The following GLIS3 variants were observed in gnomAD, a reference collection of about 807,000 sequenced individuals.
The protein encoded by GLIS3 is zinc finger protein GLIS3.
Under a neutral mutation model 78.6 loss-of-function variants are expected in GLIS3, and 53 were observed. That is an observed-to-expected ratio of 0.67 (90% CI 0.54 to 0.85). GLIS3 has a LOEUF of 0.85. GLIS3 is among the 40% of genes least tolerant of loss of function. The pLI is 0.00. For missense variants in GLIS3, 1,703 were observed against 1,231.1 expected, an observed-to-expected ratio of 1.38 and a Z score of -5.74; for synonymous variants, 684 against 509.9, an observed-to-expected ratio of 1.34 and a Z score of -4.60.
chr9:4,216,953 C>T (rs944166872), intron 2 of GLIS3, among the ~76,000 whole-genome samples: 5 of 152,154 alleles, frequency 3.3e-5, no homozygotes, highest in Non-Finnish European at 4.4e-5. Flanking sequence ...GGCCTCAATA[C>T]ATTAACAAGT....
chr9:4,173,768 T>C (rs1363396883), intron 2 of GLIS3, among the ~76,000 whole-genome samples: 1 of 152,076 alleles, frequency 6.6e-6, no homozygotes, highest in Non-Finnish European at 1.5e-5. Context: ...AGTAAGATTT[T>C]TCTGAAGCAA....
chr9:4,078,137 T>G (rs1267908536), intron 4 of GLIS3, among the ~76,000 whole-genome samples: 1 of 152,186 alleles, frequency 6.6e-6, no homozygotes, highest in African/African-American at 2.4e-5. Flanking sequence ...GCCTAAGAAT[T>G]TGTAAAAGAA....
chr9:3,900,601 A>AT (rs1425975732), intron 6 of GLIS3, among the ~76,000 whole-genome samples: 1 of 152,188 alleles, frequency 6.6e-6, no homozygotes, highest in East Asian at 1.9e-4. Flanking sequence ...CTAATCAATG[A>AT]TTTTACCTCA....
chr9:4,148,064 CT>C (rs766506606), intron 2 of GLIS3, among the ~76,000 whole-genome samples: 1 of 152,142 alleles, frequency 6.6e-6, no homozygotes, highest in African/African-American at 2.4e-5. Flanking sequence ...GTTTCTCCCT[CT>C]CCTTTTTTTT....
intron 2 of GLIS3, among the ~76,000 whole-genome samples, chr9:4,316,020 A>T (rs12339512): frequency 0.41 from 61,613 of 152,030 alleles, 12,888 homozygotes; most frequent in African/African-American, 0.52. Flanking sequence ...GAAAACACAT[A>T]TTTATCTGGG....
chr9:3,856,765 C>T (rs957512923), intron 8 of GLIS3, among the ~76,000 whole-genome samples: 1 of 152,164 alleles, frequency 6.6e-6, no homozygotes, highest in African/African-American at 2.4e-5. Context: ...CCACAACCCA[C>T]GAAATCTGCG....
intron 4 of GLIS3, among the ~76,000 whole-genome samples, chr9:4,005,582 A>T (rs1374327683): frequency 6.6e-6 from 1 of 152,192 alleles, no homozygotes; most frequent in Non-Finnish European, 1.5e-5. Context: ...GGATAAGAAT[A>T]GCACCTACTG....
At chr9:4,382,708 A>G in the GLIS3 span, among the ~76,000 whole-genome samples, 1 of 152,200 alleles carries the variant, frequency 6.6e-6, no homozygotes, top group Non-Finnish European at 1.5e-5. Context: ...TGGGTACTAT[A>G]GGGTCGAGAC....
chr9:3,868,068 A>G (rs1201273035), intron 8 of GLIS3, among the ~76,000 whole-genome samples: 4 of 152,192 alleles, frequency 2.6e-5, no homozygotes, highest in African/African-American at 7.2e-5. Context: ...TCTTTTAACT[A>G]TGGCTTTTCT....
chr9:3,899,176 A>C lies in GLIS3; in HGVS notation c.1984-341T>G, dbSNP rs10122837. ...CGATAACAACAACAAACTCAAGTAGATTTAGTCCATCTTGGAAAGTGCTTT... is the reference window on the plus strand; with the variant it reads ...CGATAACAACAACAAACTCAAGTAGCTTTAGTCCATCTTGGAAAGTGCTTT... On this transcript the variant is annotated intron_variant, in intron 6 of 10. Transcript: ENST00000381971. Among the ~76,000 whole-genome samples, 9 of 152,228 alleles carry C rather than the reference A, an allele frequency of 5.9e-5. No individual in the cohort carries two copies. In the South Asian group the frequency reaches 1.9e-3, roughly 32 times the overall value.
chr9:4,297,223 A>G (rs1355226570), intron 1 of GLIS3, among the ~76,000 whole-genome samples: 1 of 152,200 alleles, frequency 6.6e-6, no homozygotes, highest in Non-Finnish European at 1.5e-5. Context: ...ATCATGACTC[A>G]TCAAAGCTTT....
the GLIS3 span, among the ~76,000 whole-genome samples, chr9:4,379,223 A>G: frequency 5.5e-4 from 84 of 152,184 alleles, no homozygotes; most frequent in African/African-American, 1.9e-3. Context: ...TCTCCCCTCT[A>G]TGTAAGCTCC....
intron 6 of GLIS3, among the ~76,000 whole-genome samples, chr9:3,922,598 A>C (rs993074320): frequency 2.0e-5 from 3 of 152,142 alleles, no homozygotes; most frequent in Non-Finnish European, 4.4e-5. Context: ...AATGCGGAAA[A>C]ATAATTGCTG....
At chr9:4,222,536 A>C (rs1821419718) in intron 2 of GLIS3, among the ~76,000 whole-genome samples, 1 of 152,214 alleles carries the variant, frequency 6.6e-6, no homozygotes, top group Non-Finnish European at 1.5e-5. Context: ...AGACCCAGCC[A>C]AGACTTTGCT....
chr9:4,186,281 G>T (rs1273669082), intron 2 of GLIS3, among the ~76,000 whole-genome samples: 1 of 151,646 alleles, frequency 6.6e-6, no homozygotes, highest in African/African-American at 2.4e-5. Flanking sequence ...ACTTTACTGA[G>T]AATGATGATT....
chr9:4,141,639 G>T (rs1396027430), intron 2 of GLIS3, among the ~76,000 whole-genome samples: 1 of 152,126 alleles, frequency 6.6e-6, no homozygotes, highest in African/African-American at 2.4e-5. Flanking sequence ...GTGATTTAAA[G>T]GAAATAATTT....
chr9:4,024,848 G>T (rs1189425293), intron 4 of GLIS3, among the ~76,000 whole-genome samples: 2 of 152,250 alleles, frequency 1.3e-5, no homozygotes, highest in East Asian at 3.9e-4. Context: ...GTGATTCTTA[G>T]ATTGGTATCC....
chr9:3,976,723 T>TCACC (rs908644043), intron 4 of GLIS3, among the ~76,000 whole-genome samples: 2 of 139,936 alleles, frequency 1.4e-5, no homozygotes, highest in Non-Finnish European at 3.0e-5. Context: ...TACTTGCATC[T>TCACC]CACCCCATTC....
At chr9:4,462,231 A>G in the GLIS3 span, among the ~76,000 whole-genome samples, 2 of 152,178 alleles carry the variant, frequency 1.3e-5, no homozygotes, top group Non-Finnish European at 2.9e-5. Context: ...TCAATGTATG[A>G]TCTGTAAACT....
Sources: gnomAD v4.1 joint callset for allele counts (sites outside exome capture counted in the v4.1 genomes callset) on GRCh38, gnomAD v4.1.1 for gene constraint, MANE v1.5 for transcripts, NCBI Gene and HGNC (gene_info 2026-07-23, HGNC 2026-07-21) for gene names.